The following APOBEC3H variants were observed in gnomAD, a reference collection of about 807,000 sequenced individuals.
APOBEC3H encodes the protein DNA dC->dU-editing enzyme APOBEC-3H.
APOBEC3H carries 8 observed loss-of-function variants against 21.2 expected under a neutral mutation model. That is an observed-to-expected ratio of 0.38 (90% CI 0.22 to 0.68). The LOEUF is 0.68. Among genes scored for constraint, APOBEC3H ranks in the 30% least tolerant of loss-of-function variants. APOBEC3H has a pLI of 0.52. For synonymous variants in APOBEC3H, 88 were observed against 91.0 expected (o/e 0.97, Z 0.19); for missense variants, 229 against 228.1 (o/e 1.00, Z -0.03).
chr22:39,100,897 C>A (rs55887645), intron 2 of APOBEC3H, among the ~76,000 whole-genome samples: 2 of 151,744 alleles, frequency 1.3e-5, no homozygotes, highest in East Asian at 3.9e-4. Context: ...GCCTCCTAGG[C>A]GGGTGTCCAA....
chr22:39,102,789 G>A lies in APOBEC3H; in HGVS notation c.543+747G>A, dbSNP rs560894187. Among the ~76,000 whole-genome samples, 77 of 151,986 alleles carry A rather than the reference G, an allele frequency of 5.1e-4. 2 individuals are homozygous for A. In the South Asian group the frequency reaches 0.016, roughly 31 times the overall value. On this transcript the variant is annotated intron_variant, in intron 4 of 4. Transcript: ENST00000442487. ...CCGAGGCAGGTGTATCAAGAGGTCA[G>A]GAGTTCGAGACTAGCCTGGCCAACA...
At chr22:39,097,799 C>G (rs1238459725) in intron 1 of APOBEC3H, among the ~76,000 whole-genome samples, 3 of 152,158 alleles carry the variant, frequency 2.0e-5, no homozygotes, top group Non-Finnish European at 2.9e-5. Context: ...AGGCAATGAT[C>G]TCTGAAGCAC....
chr22:39,103,573 C>A lies in APOBEC3H; in HGVS notation c.544-116C>A, dbSNP rs962493500. 5 of 1,107,138 alleles carry A rather than the reference C, an allele frequency of 4.5e-6. No individual in the cohort carries two copies. The African/African-American group carries it at 7.8e-5, about 17-fold the overall frequency. 68.6% of individuals were successfully genotyped at this position (1,107,138 alleles called of 1,614,324 possible). ...CGTGTTTTTCTCCAGGCCTTCTGGG[C>A]CCTTCTGGTGCCAGTTCTTTTCTCT... is the stretch of plus-strand genomic sequence containing the variant. On this transcript the variant is annotated intron_variant, in intron 4 of 4. Coordinates refer to ENST00000442487, the MANE Select transcript of APOBEC3H (RefSeq NM_181773.5).
chr22:39,101,788 C>A, intron 3 of APOBEC3H, 130 bp from the exon 4 acceptor site: 1 of 1,438,092 alleles, frequency 7.0e-7, no homozygotes, highest in Non-Finnish European at 9.6e-7. Context: ...TGACACCACC[C>A]GGGAGGGAGA....
rs374298760 is a variant in APOBEC3H at position 39,102,027 on chromosome 22, G to A, written c.528G>A (p.Arg176=). The stretch of plus-strand genomic sequence containing the variant: ...AAAACAGTCGAGCCATAAAGCGACG[G>A]CTTGAGAGGATAAAGGTGAGGCACT... ...LDKNSRAIKR[R]LERIKQS is the part of the protein sequence containing the mutation. The change falls in exon 4 of 5, where the codon CGG becomes CGA. Residue 176 remains arginine, a synonymous_variant. Coordinates refer to ENST00000442487, the MANE Select transcript of APOBEC3H (RefSeq NM_181773.5). The A allele has an allele frequency of 2.9e-5, 46 of 1,613,720 alleles. No individual in the cohort carries two copies. Among genetic ancestry groups the A allele is most frequent in the Non-Finnish European group, 3.6e-5 (43 of 1,179,894 alleles).
intron 1 of APOBEC3H, among the ~76,000 whole-genome samples, chr22:39,098,098 C>T (rs759634381): frequency 3.9e-5 from 6 of 152,192 alleles, no homozygotes; most frequent in Non-Finnish European, 8.8e-5. Context: ...GGGCAGGTTA[C>T]CCCACCTCTC....
At chr22:39,102,749 C>A in intron 4 of APOBEC3H, 1 of 574,720 alleles carries the variant, frequency 1.7e-6, no homozygotes, top group Non-Finnish European at 3.1e-6. Flanking sequence ...CGCCTGTAGT[C>A]CCAGCACTGG....
intron 2 of APOBEC3H, 89 bp from the exon 3 acceptor site, chr22:39,101,144 ATCCC>A: frequency 2.7e-5 from 1 of 36,656 alleles, no homozygotes; most frequent in Non-Finnish European, 5.4e-5. Flanking sequence ...CTGCCCCCCC[ATCCC>A]CGCCCCCGTC....
chr22:39,103,485 C>T (rs548513975), intron 4 of APOBEC3H, among the ~76,000 whole-genome samples: 1 of 152,312 alleles, frequency 6.6e-6, no homozygotes, highest in African/African-American at 2.4e-5. Flanking sequence ...TGGAGCACAG[C>T]AAAAGAAACT....
intron 4 of APOBEC3H, chr22:39,102,694 C>A: frequency 1.6e-6 from 1 of 636,516 alleles, no homozygotes; most frequent in East Asian, 2.8e-5. Context: ...CCATGTGTAC[C>A]TCTCACCATA....
chr22:39,103,055 G>A (rs969309218), intron 4 of APOBEC3H, among the ~76,000 whole-genome samples: 3 of 151,474 alleles, frequency 2.0e-5, no homozygotes, highest in Non-Finnish European at 4.4e-5. Context: ...AGGAGGCCAA[G>A]GCGGGTGGAT....
chr22:39,101,271 A>G lies in APOBEC3H; in HGVS notation c.185A>G (p.Glu62Gly). Residue 62 changes from glutamate to glycine, a missense_variant, in exon 3 of 5, where the codon GAG (glutamate) becomes GGG (glycine). Coordinates refer to ENST00000442487, the MANE Select transcript of APOBEC3H (RefSeq NM_181773.5). ...KCHAEICFIN[E>G]IKSMGLDETQ... Reference sequence around the variant, plus strand: ...CATGCAGAAATTTGCTTTATTAACGAGATCAAGTCCATGGGACTGGACGAA... The same window carrying G: ...CATGCAGAAATTTGCTTTATTAACGGGATCAAGTCCATGGGACTGGACGAA... 6.2e-7 allele frequency: 1 copy of G among 1,613,388 alleles called. No individual in the cohort carries two copies. Among genetic ancestry groups the G allele is most frequent in the Non-Finnish European group, 8.5e-7 (1 of 1,179,876 alleles).
rs145141547 is a variant in APOBEC3H at position 39,101,282 on chromosome 22, A to C, written c.196A>C (p.Met66Leu). 1 of 1,613,418 alleles carries C rather than the reference A, an allele frequency of 6.2e-7. No homozygotes were observed. The highest frequency in any genetic ancestry group is 1.7e-5 in the Admixed American group (1 of 59,942). ...TTGCTTTATTAACGAGATCAAGTCCATGGGACTGGACGAAACGCAGTGCTA... is the reference window on the plus strand; with the variant it reads ...TTGCTTTATTAACGAGATCAAGTCCCTGGGACTGGACGAAACGCAGTGCTA... ...EICFINEIKS[M>L]GLDETQCYQV... Residue 66 changes from methionine (M) to leucine (L), a missense_variant, in exon 3 of 5, where the codon ATG becomes CTG. Physicochemically the swap from Met to Leu is conservative, Grantham distance 15. Transcript: ENST00000442487.
In APOBEC3H at chr22:39,101,387, C is replaced by T. The variant is rs1929316761; in HGVS notation, c.301C>T (p.His101Tyr). 6.2e-7 allele frequency: 1 copy of T among 1,612,488 alleles called. No individual in the cohort carries two copies. Among genetic ancestry groups the T allele is most frequent in the Admixed American group, 1.7e-5 (1 of 59,780 alleles). The change falls in exon 3 of 5, where the codon CAT becomes TAT. Residue 101 changes from histidine to tyrosine, a missense_variant. Physicochemically the swap from His to Tyr is moderately conservative, Grantham distance 83. Coordinates refer to ENST00000442487, the MANE Select transcript of APOBEC3H (RefSeq NM_181773.5). ...GGTTGACTTCATCAAGGCTCACGAC[C>T]ATCTGAACCTGGGCATCTTCGCCTC... Reference protein sequence around the residue: ...ELVDFIKAHDHLNLGIFASRL... With the variant: ...ELVDFIKAHDYLNLGIFASRL...
At chr22:39,098,975 C>A (rs891039850) in intron 1 of APOBEC3H, among the ~76,000 whole-genome samples, 2 of 152,034 alleles carry the variant, frequency 1.3e-5, no homozygotes, top group African/African-American at 4.8e-5. Context: ...GGGTGGATCA[C>A]CTGAGGTCAA....
intron 1 of APOBEC3H, among the ~76,000 whole-genome samples, chr22:39,099,311 G>C (rs1929169873): frequency 6.6e-6 from 1 of 152,328 alleles, no homozygotes; most frequent in African/African-American, 2.4e-5. Context: ...AGCCAAAAAT[G>C]TGTCACAACA....
chr22:39,101,144 A>AT, intron 2 of APOBEC3H, 93 bp from the exon 3 acceptor site: 15 of 36,646 alleles, frequency 4.1e-4, no homozygotes, highest in South Asian at 8.1e-4. Flanking sequence ...CTGCCCCCCC[A>AT]TCCCCGCCCC....
In APOBEC3H at chr22:39,103,733, G is replaced by A; in HGVS notation, c.*36G>A. On this transcript the variant is annotated 3_prime_UTR_variant, in exon 5 of 5. Transcript: ENST00000442487. Reference sequence around the variant, plus strand: ...TTTTAGAGAATGACTTAAGAAGTTTGCAGCTTGGACCCGTATCCCACTCAT... The same window carrying A: ...TTTTAGAGAATGACTTAAGAAGTTTACAGCTTGGACCCGTATCCCACTCAT... The A allele has an allele frequency of 6.2e-7, 1 of 1,613,084 alleles. No individual in the cohort carries two copies.
chr22:39,101,654 A>G (rs1423561162), intron 3 of APOBEC3H, 150 bp downstream of exon 3: 3 of 58,092 alleles, frequency 5.2e-5, no homozygotes, highest in Non-Finnish European at 8.8e-5. Context: ...GGCGGGTTGG[A>G]GGAGGTTGGC....
Sources: allele counts gnomAD v4.1 joint callset (sites outside exome capture counted in the v4.1 genomes callset), GRCh38; gene constraint gnomAD v4.1.1; transcripts MANE v1.5; gene names NCBI Gene and HGNC (gene_info 2026-07-23, HGNC 2026-07-21).